The following RPS6KA6 variants were observed in gnomAD, a reference collection of about 807,000 sequenced individuals.
The protein encoded by RPS6KA6 is ribosomal protein S6 kinase alpha-6.
Under a neutral mutation model 65.4 loss-of-function variants are expected in RPS6KA6, and 27 were observed. The ratio of observed to expected loss-of-function variants is 0.41; its 90% CI spans 0.30 to 0.57. RPS6KA6 has a LOEUF of 0.57. RPS6KA6 is among the 20% of genes least tolerant of loss of function. The pLI, the probability that RPS6KA6 is intolerant of heterozygous loss-of-function variation, is 0.24. For synonymous variants in RPS6KA6, 190 were observed against 184.2 expected (o/e 1.03, Z -0.26); for missense variants, 486 against 555.6 (o/e 0.87, Z 1.26).
chrX:84,183,229 C>T (rs945603530), intron 1 of RPS6KA6, among the ~76,000 whole-genome samples: 1 of 111,320 alleles, frequency 9.0e-6, no homozygotes, highest in Non-Finnish European at 1.9e-5. Flanking sequence ...TACCAGGACG[C>T]TTCTAATCTC....
intron 8 of RPS6KA6, among the ~76,000 whole-genome samples, chrX:84,127,181 G>A (rs1380830028): frequency 1.8e-5 from 2 of 111,036 alleles, no homozygotes; most frequent in African/African-American, 3.3e-5. Flanking sequence ...AATTCAAAGG[G>A]TCATTAGTGG....
chrX:84,092,363 C>T (rs1388830845), intron 20 of RPS6KA6, among the ~76,000 whole-genome samples: 1 of 110,625 alleles, frequency 9.0e-6, no homozygotes, highest in Non-Finnish European at 1.9e-5. Flanking sequence ...ATGGCTCAAG[C>T]GTGTAATCCT....
At chrX:84,164,457 AC>A in intron 1 of RPS6KA6, 70 bp from the exon 2 acceptor site, 1 of 733,487 alleles carries the variant, frequency 1.4e-6, no homozygotes, top group Non-Finnish European at 2.1e-6. Context: ...GAAAAATATA[AC>A]CCTAGGCATT....
intron 6 of RPS6KA6, among the ~76,000 whole-genome samples, chrX:84,144,197 T>C (rs889484979): frequency 9.0e-6 from 1 of 110,829 alleles, no homozygotes; most frequent in Non-Finnish European, 1.9e-5. Flanking sequence ...TCACCAAAAT[T>C]AAGAACTTCT....
intron 2 of RPS6KA6, among the ~76,000 whole-genome samples, chrX:84,159,025 CACAAAT>C (rs1212476800): frequency 6.3e-5 from 7 of 111,436 alleles, no homozygotes; most frequent in African/African-American, 2.3e-4. Flanking sequence ...TAGATATACA[CACAAAT>C]ACATACACAT....
chrX:84,158,202 A>T (rs1410817567), intron 2 of RPS6KA6, among the ~76,000 whole-genome samples: 2 of 110,954 alleles, frequency 1.8e-5, no homozygotes, highest in African/African-American at 6.5e-5. Flanking sequence ...GAAAAAATAT[A>T]TACTTTTTAA....
At chrX:84,136,584 G>C (rs1285022934) in intron 6 of RPS6KA6, among the ~76,000 whole-genome samples, 1 of 111,048 alleles carries the variant, frequency 9.0e-6, no homozygotes, top group Non-Finnish European at 1.9e-5. Flanking sequence ...AGGATAATAA[G>C]AATGTTCTCT....
intron 2 of RPS6KA6, among the ~76,000 whole-genome samples, chrX:84,157,599 T>A (rs1273017133): frequency 9.0e-6 from 1 of 110,741 alleles, no homozygotes; most frequent in East Asian, 2.8e-4. Flanking sequence ...CAAATCACTC[T>A]CTCCTTCAGT....
At chrX:84,143,795 G>C (rs1231949475) in intron 6 of RPS6KA6, among the ~76,000 whole-genome samples, 1 of 111,165 alleles carries the variant, frequency 9.0e-6, no homozygotes, top group African/African-American at 3.3e-5. Context: ...TATTATAAAG[G>C]TACAGTAATT....
chrX:84,117,030 T>A, intron 11 of RPS6KA6, 30 bp downstream of exon 11: 4 of 951,327 alleles, frequency 4.2e-6, no homozygotes, highest in Non-Finnish European at 5.9e-6. Flanking sequence ...ATGCAGTTAC[T>A]TCTATAAAAG....
chrX:84,162,801 T>A (rs1337217847), intron 2 of RPS6KA6, among the ~76,000 whole-genome samples: 1 of 112,033 alleles, frequency 8.9e-6, no homozygotes, highest in Admixed American at 9.5e-5. Flanking sequence ...AACATTAATA[T>A]TACTATGCCT....
At chrX:84,161,178 T>C (rs767124162) in intron 2 of RPS6KA6, among the ~76,000 whole-genome samples, 16 of 111,567 alleles carry the variant, frequency 1.4e-4, no homozygotes, top group African/African-American at 4.2e-4. Flanking sequence ...CATAAACCTA[T>C]TGTAAGTTGA....
chrX:84,092,648 C>A (rs1282682840), intron 20 of RPS6KA6, among the ~76,000 whole-genome samples: 1 of 110,018 alleles, frequency 9.1e-6, no homozygotes. Context: ...TGAGACATCA[C>A]CTCACTCCAA....
At chrX:84,109,425 G>A (rs1359828584) in intron 12 of RPS6KA6, among the ~76,000 whole-genome samples, 2 of 111,189 alleles carry the variant, frequency 1.8e-5, no homozygotes, top group African/African-American at 6.6e-5. Flanking sequence ...AGAGCGTTCT[G>A]TGATAATCTG....
At position 84,060,853 on chromosome X, in the gene RPS6KA6, T is replaced by C. The variant is rs1443166646; in HGVS notation, c.*3424A>G. Reference sequence around the variant, plus strand: ...CTAAAAACTTGATTAATGCACAACTTCCTTAAAAAATGCCAATTAACTATT... The same window carrying C: ...CTAAAAACTTGATTAATGCACAACTCCCTTAAAAAATGCCAATTAACTATT... On this transcript the variant is annotated 3_prime_UTR_variant, in exon 22 of 22. Transcript: ENST00000262752. 3.6e-5 allele frequency: 4 copies of C among 112,031 alleles called. No individual in the cohort carries two copies. The highest frequency in any genetic ancestry group is 1.3e-4 in the African/African-American group (4 of 30,853). 9.2% of individuals were successfully genotyped at this position (112,031 alleles called of 1,213,427 possible).
intron 17 of RPS6KA6, among the ~76,000 whole-genome samples, chrX:84,102,520 C>T (rs889914319): frequency 9.0e-6 from 1 of 110,619 alleles, no homozygotes; most frequent in Non-Finnish European, 1.9e-5. Flanking sequence ...TTATACATAA[C>T]ATATAAGAAC....
At chrX:84,155,155 T>A (rs1424522124) in intron 3 of RPS6KA6, among the ~76,000 whole-genome samples, 1 of 110,865 alleles carries the variant, frequency 9.0e-6, no homozygotes, top group Non-Finnish European at 1.9e-5. Context: ...TGAACTACAA[T>A]CATGCCACTG....
At chrX:84,066,121 T>C (rs1295095553) in intron 20 of RPS6KA6, among the ~76,000 whole-genome samples, 1 of 111,219 alleles carries the variant, frequency 9.0e-6, no homozygotes, top group African/African-American at 3.3e-5. Flanking sequence ...AATCAGGAGA[T>C]TCCCTGGTGT....
At chrX:84,089,680 TCAC>T (rs1354575790) in intron 20 of RPS6KA6, among the ~76,000 whole-genome samples, 2 of 110,941 alleles carry the variant, frequency 1.8e-5, no homozygotes, top group Non-Finnish European at 3.8e-5. Context: ...ACACAATCGC[TCAC>T]CACTTGCCTT....
Sources: allele counts gnomAD v4.1 joint callset (sites outside exome capture counted in the v4.1 genomes callset), GRCh38; gene constraint gnomAD v4.1.1; transcripts MANE v1.5; gene names NCBI Gene and HGNC (gene_info 2026-07-23, HGNC 2026-07-21).